HCN1: variants seen among roughly 807,000 people sequenced by gnomAD.
The protein encoded by HCN1 is hyperpolarization activated cyclic nucleotide gated potassium channel 1.
Under a neutral mutation model 78.9 loss-of-function variants are expected in HCN1, and 13 were observed. The observed-to-expected ratio is 0.16, with a 90% CI of 0.11 to 0.26. The LOEUF (loss-of-function observed/expected upper bound fraction) is 0.26, where lower values mean the gene tolerates loss of function less well. Among genes scored for constraint, HCN1 ranks in the 10% least tolerant of loss-of-function variants. The pLI is 1.00. For synonymous variants in HCN1, 552 were observed against 455.5 expected (o/e 1.21, Z -2.70); for missense variants, 810 against 1,154.3 (o/e 0.70, Z 4.32).
intron 2 of HCN1, among the ~76,000 whole-genome samples, chr5:45,616,889 T>C (rs1302411182): frequency 1.3e-5 from 2 of 151,898 alleles, no homozygotes; most frequent in Non-Finnish European, 2.9e-5. Context: ...AACCTAGAAA[T>C]GTTGCTTACT....
intron 2 of HCN1, among the ~76,000 whole-genome samples, chr5:45,566,980 C>T (rs1743720512): frequency 6.6e-6 from 1 of 152,200 alleles, no homozygotes; most frequent in Non-Finnish European, 1.5e-5. Flanking sequence ...AGAAAATACA[C>T]AGGCATTCCT....
intron 2 of HCN1, among the ~76,000 whole-genome samples, chr5:45,591,275 T>C (rs892157433): frequency 6.6e-6 from 1 of 152,190 alleles, no homozygotes; most frequent in Non-Finnish European, 1.5e-5. Context: ...TTAATTCTTT[T>C]GGGTAAATAC....
At chr5:45,488,025 T>G (rs1050696754) in intron 2 of HCN1, among the ~76,000 whole-genome samples, 9 of 152,232 alleles carry the variant, frequency 5.9e-5, no homozygotes, top group African/African-American at 2.2e-4. Context: ...GTGTATTAAA[T>G]GTGAATCATT....
chr5:45,576,329 CA>C (rs1275793317), intron 2 of HCN1: 1 of 152,080 alleles, frequency 6.6e-6, no homozygotes. Context: ...TGGACTATTA[CA>C]TAAACTTATT....
At chr5:45,275,487 T>G (rs1298597761) in intron 6 of HCN1, among the ~76,000 whole-genome samples, 1 of 152,154 alleles carries the variant, frequency 6.6e-6, no homozygotes, top group Admixed American at 6.6e-5. Flanking sequence ...TATATGTGAA[T>G]TTTTGAAATT....
intron 4 of HCN1, among the ~76,000 whole-genome samples, chr5:45,373,927 T>TATATA (rs1561129912): frequency 1.3e-4 from 17 of 128,116 alleles, no homozygotes; most frequent in African/African-American, 4.7e-4. Flanking sequence ...ATATACATCA[T>TATATA]ATATATTACA....
intron 5 of HCN1, among the ~76,000 whole-genome samples, chr5:45,325,905 TC>T (rs1746225338): frequency 6.6e-6 from 1 of 151,622 alleles, no homozygotes; most frequent in Non-Finnish European, 1.5e-5. Context: ...AATAAGAGTG[TC>T]AAAAATGATG....
At chr5:45,401,354 C>T (rs571949199) in intron 3 of HCN1, among the ~76,000 whole-genome samples, 1 of 151,630 alleles carries the variant, frequency 6.6e-6, no homozygotes, top group African/African-American at 2.4e-5. Flanking sequence ...ATTTTTTTTT[C>T]CTTATTAATT....
At chr5:45,656,596 C>T (rs1436972106) in intron 1 of HCN1, among the ~76,000 whole-genome samples, 2 of 152,124 alleles carry the variant, frequency 1.3e-5, no homozygotes, top group African/African-American at 4.8e-5. Flanking sequence ...TTTACTTTTT[C>T]AGCTAATGCT....
At chr5:45,474,747 A>G (rs1466633745) in intron 2 of HCN1, among the ~76,000 whole-genome samples, 1 of 151,916 alleles carries the variant, frequency 6.6e-6, no homozygotes, top group African/African-American at 2.4e-5. Context: ...CACTCCTCCA[A>G]CTATGGGTTA....
intron 1 of HCN1, among the ~76,000 whole-genome samples, chr5:45,681,079 G>C (rs528334284): frequency 1.3e-5 from 2 of 152,062 alleles, no homozygotes; most frequent in South Asian, 2.1e-4. Context: ...TTCAAATTAA[G>C]GCAGACCAAT....
chr5:45,585,090 C>A (rs12515077), intron 2 of HCN1, among the ~76,000 whole-genome samples: 1 of 152,070 alleles, frequency 6.6e-6, no homozygotes, highest in Non-Finnish European at 1.5e-5. Context: ...TGCTATGTTG[C>A]GGAAGTTCTC....
chr5:45,488,549 T>C (rs1741815755), intron 2 of HCN1, among the ~76,000 whole-genome samples: 2 of 152,234 alleles, frequency 1.3e-5, no homozygotes, highest in East Asian at 1.9e-4. Context: ...CTTTAAAAGA[T>C]ATACGGCATT....
At chr5:45,437,557 A>C (rs924902876) in intron 3 of HCN1, among the ~76,000 whole-genome samples, 11 of 152,190 alleles carry the variant, frequency 7.2e-5, no homozygotes, top group African/African-American at 2.7e-4. Context: ...CAAATTTGTC[A>C]CATTATGCTG....
chr5:45,424,900 T>C (rs1207000282), intron 3 of HCN1, among the ~76,000 whole-genome samples: 1 of 152,208 alleles, frequency 6.6e-6, no homozygotes, highest in Admixed American at 6.5e-5. Flanking sequence ...AGTTTATATA[T>C]TACACATAGG....
chr5:45,276,101 G>A (rs1745051472), intron 6 of HCN1, among the ~76,000 whole-genome samples: 1 of 151,936 alleles, frequency 6.6e-6, no homozygotes, highest in Non-Finnish European at 1.5e-5. Context: ...ACACGTGGCA[G>A]AAACAATAGT....
intron 2 of HCN1, among the ~76,000 whole-genome samples, chr5:45,584,123 G>T (rs1744148771): frequency 6.6e-6 from 1 of 152,192 alleles, no homozygotes; most frequent in Admixed American, 6.5e-5. Context: ...AATGTTGACA[G>T]TGGGGTGTTA....
intron 3 of HCN1, among the ~76,000 whole-genome samples, chr5:45,410,173 G>A (rs1238588474): frequency 6.6e-6 from 1 of 151,864 alleles, no homozygotes; most frequent in Non-Finnish European, 1.5e-5. Flanking sequence ...AGAGCCTTGT[G>A]GTAGCAAGAA....
Position 45,684,590 on chromosome 5 carries a change from G to A in HCN1, c.425+11079C>T, listed in dbSNP as rs1021986573. Among the ~76,000 whole-genome samples, 4 of 152,320 alleles carry A rather than the reference G, an allele frequency of 2.6e-5. No homozygotes were observed. The South Asian group carries it at 8.3e-4, about 32-fold the overall frequency. On this transcript the variant is annotated intron_variant, in intron 1 of 7. Coordinates refer to ENST00000303230, the MANE Select transcript of HCN1 (RefSeq NM_021072.4). ...AAACTAATCAAATAGGCCAGGCACGGTGGCTCACGCCTGTAAACCCAGCAC... is the reference window on the plus strand; with the variant it reads ...AAACTAATCAAATAGGCCAGGCACGATGGCTCACGCCTGTAAACCCAGCAC...
Sources: allele counts gnomAD v4.1 joint callset (sites outside exome capture counted in the v4.1 genomes callset), GRCh38; gene constraint gnomAD v4.1.1; transcripts MANE v1.5; gene names NCBI Gene and HGNC (gene_info 2026-07-23, HGNC 2026-07-21).